Variants in ATG7 observed in about 807,000 individuals in gnomAD.
ATG7 encodes the protein autophagy related 7.
ATG7 carries 70 observed loss-of-function variants against 82.4 expected under a neutral mutation model. That is an observed-to-expected ratio of 0.85 (90% CI 0.70 to 1.04). The LOEUF (loss-of-function observed/expected upper bound fraction) is 1.04, where lower values mean the gene tolerates loss of function less well. Ranked by LOEUF, ATG7 falls within the 50% of genes least tolerant of loss-of-function variation. The pLI, the probability that ATG7 is intolerant of heterozygous loss-of-function variation, is 0.00. For missense variants in ATG7, 792 were observed against 864.3 expected (o/e 0.92, Z 1.05); for synonymous variants, 287 against 313.0 (o/e 0.92, Z 0.88).
At chr3:11,470,819 G>T (rs1473695165) in intron 20 of ATG7, among the ~76,000 whole-genome samples, 1 of 152,180 alleles carries the variant, frequency 6.6e-6, no homozygotes, top group East Asian at 1.9e-4. Flanking sequence ...GAGAACACTT[G>T]GGAGGAGCTC....
Position 11,298,754 on chromosome 3 carries a change from G to A in ATG7, c.59G>A (p.Ser20Asn), listed in dbSNP as rs1946338046. Residue 20 changes from serine (S) to asparagine (N), a missense_variant, in exon 4 of 21, where the codon AGT becomes AAT. By Grantham distance (46) the Ser-to-Asn change is conservative. Transcript: ENST00000693202. ...AAACTGCAGTTTGCCCCTTTTAGTA[G>A]TGCCTTGGATGTTGGGTTTTGGCAT... Reference protein sequence around the residue: ...LSKLQFAPFSSALDVGFWHEL... With the variant: ...LSKLQFAPFSNALDVGFWHEL... 1.2e-6 allele frequency: 2 copies of A among 1,614,174 alleles called. No homozygotes were observed. The highest frequency in any genetic ancestry group is 1.7e-6 in the Non-Finnish European group (2 of 1,180,022).
At chr3:11,364,553 G>A (rs1047911262) in intron 17 of ATG7, 106 bp from the exon 18 acceptor site, 6 of 1,261,396 alleles carry the variant, frequency 4.8e-6, no homozygotes, top group Non-Finnish European at 6.8e-6. Flanking sequence ...CCCAGCAAGG[G>A]GCATTTTAGT....
At chr3:11,354,255 C>T (rs925828198) in intron 14 of ATG7, among the ~76,000 whole-genome samples, 21 of 152,096 alleles carry the variant, frequency 1.4e-4, no homozygotes, top group African/African-American at 4.1e-4. Context: ...TGAAAAGAAG[C>T]GCTCTGCTAC....
chr3:11,555,044 AAAT>A lies in ATG7; in HGVS notation c.*207_*209del, dbSNP rs1197555087. On this transcript the variant is annotated 3_prime_UTR_variant, in exon 21 of 21. Transcript: ENST00000693202. The stretch of plus-strand genomic sequence containing the variant: ...TTCAAGATACCACCAGTTCAGAGCT[AAAT>A]AATAACCTTGGCCTTGGCCTTGCTA... 1 of 620,520 alleles carries A rather than the reference AAAT, an allele frequency of 1.6e-6. No homozygotes were observed. Among genetic ancestry groups the A allele is most frequent in the Non-Finnish European group, 2.7e-6 (1 of 370,774 alleles). 38.4% of individuals were successfully genotyped at this position (620,520 alleles called of 1,614,324 possible). A position where few individuals can be genotyped will look rare whatever the true frequency, so the allele number is the denominator to read the frequency against.
chr3:11,412,664 G>A (rs1426009290), intron 19 of ATG7, among the ~76,000 whole-genome samples: 1 of 152,086 alleles, frequency 6.6e-6, no homozygotes, highest in East Asian at 1.9e-4. Context: ...TGGCAATTAA[G>A]TGTCTCTTAA....
At chr3:11,553,287 AGGTC>A (rs2125068917) in intron 20 of ATG7, among the ~76,000 whole-genome samples, 1 of 10,854 alleles carries the variant, frequency 9.2e-5, no homozygotes, top group South Asian at 6.8e-3. Context: ...GGTAGATGTG[AGGTC>A]ACCTCACAGG....
intron 19 of ATG7, among the ~76,000 whole-genome samples, chr3:11,404,650 T>C (rs1430450981): frequency 1.3e-5 from 2 of 152,064 alleles, no homozygotes; most frequent in African/African-American, 4.8e-5. Context: ...CATAAAGACA[T>C]ACCTGAGACT....
chr3:11,358,673 T>TG, intron 15 of ATG7, 61 bp downstream of exon 15: 1 of 1,542,102 alleles, frequency 6.5e-7, no homozygotes, highest in Non-Finnish European at 8.8e-7. Context: ...GAGGGAGGAG[T>TG]GTCCCTAACC....
At chr3:11,374,155 A>G (rs1303263034) in intron 18 of ATG7, among the ~76,000 whole-genome samples, 1 of 152,198 alleles carries the variant, frequency 6.6e-6, no homozygotes, top group Non-Finnish European at 1.5e-5. Flanking sequence ...ACCCAAAACG[A>G]TCCTGGACGT....
At chr3:11,295,770 TC>T (rs1329663308) in intron 3 of ATG7, among the ~76,000 whole-genome samples, 4 of 38,108 alleles carry the variant, frequency 1.0e-4, no homozygotes, top group Non-Finnish European at 3.8e-4. Flanking sequence ...TTTCTTTCTT[TC>T]TTTTCTTTCT....
chr3:11,300,180 G>A (rs1430654309), intron 5 of ATG7, among the ~76,000 whole-genome samples: 1 of 152,074 alleles, frequency 6.6e-6, no homozygotes, highest in East Asian at 1.9e-4. Flanking sequence ...GCCTGCCTTG[G>A]CCTCCCAAAG....
intron 20 of ATG7, among the ~76,000 whole-genome samples, chr3:11,552,626 CCA>C (rs2071916649): frequency 2.0e-5 from 3 of 152,156 alleles, no homozygotes; most frequent in Admixed American, 2.0e-4. Context: ...CGTCCCTGCC[CCA>C]GAGATTCGCT....
intron 20 of ATG7, among the ~76,000 whole-genome samples, chr3:11,523,189 C>T (rs1575180102): frequency 6.6e-6 from 1 of 152,262 alleles, no homozygotes; most frequent in East Asian, 1.9e-4. Flanking sequence ...GATGACTGTT[C>T]TATATAAATA....
chr3:11,484,268 C>T, intron 20 of ATG7, among the ~76,000 whole-genome samples: 1 of 152,020 alleles, frequency 6.6e-6, no homozygotes, highest in East Asian at 1.9e-4. Flanking sequence ...GTGGCGTGCA[C>T]CTGTAATCCC....
intron 7 of ATG7, among the ~76,000 whole-genome samples, chr3:11,310,966 G>C (rs1163351256): frequency 6.6e-6 from 1 of 152,158 alleles, no homozygotes; most frequent in African/African-American, 2.4e-5. Context: ...TGTAAGCATT[G>C]CTAGTTAAAG....
At chr3:11,533,012 C>A (rs554169278) in intron 20 of ATG7, among the ~76,000 whole-genome samples, 6 of 152,112 alleles carry the variant, frequency 3.9e-5, no homozygotes, top group Non-Finnish European at 8.8e-5. Context: ...GACAGGGTGG[C>A]GAGGAGAAGC....
At chr3:11,455,716 T>G (rs1325714765) in intron 20 of ATG7, among the ~76,000 whole-genome samples, 1 of 152,140 alleles carries the variant, frequency 6.6e-6, no homozygotes, top group African/African-American at 2.4e-5. Context: ...CACAACTACA[T>G]CTTCAGCCTA....
intron 19 of ATG7, among the ~76,000 whole-genome samples, chr3:11,407,714 C>T (rs748306060): frequency 1.5e-4 from 23 of 152,234 alleles, no homozygotes; most frequent in Non-Finnish European, 1.5e-4. Context: ...GCTGTCAAGT[C>T]TTGGGGCTTG....
chr3:11,307,719 G>A (rs999142419), intron 6 of ATG7, among the ~76,000 whole-genome samples: 1 of 152,190 alleles, frequency 6.6e-6, no homozygotes, highest in Non-Finnish European at 1.5e-5. Context: ...TTAGTGAGAG[G>A]AATTAAAATG....
Sources: gnomAD v4.1 joint callset for allele counts (sites outside exome capture counted in the v4.1 genomes callset) on GRCh38, gnomAD v4.1.1 for gene constraint, MANE v1.5 for transcripts, NCBI Gene and HGNC (gene_info 2026-07-23, HGNC 2026-07-21) for gene names.